Variants in RBM41 observed in about 807,000 individuals in gnomAD.
The protein encoded by RBM41 is RNA-binding protein 41.
In RBM41, 14 loss-of-function variants were observed where a neutral mutation model predicts 30.8. The observed-to-expected ratio is 0.45, with a 90% CI of 0.30 to 0.71. RBM41 has a LOEUF of 0.71. Ranked by LOEUF, RBM41 falls within the 30% of genes least tolerant of loss-of-function variation. RBM41 has a pLI of 0.08. For missense variants in RBM41, 276 were observed against 326.3 expected (o/e 0.85, Z 1.19); for synonymous variants, 120 against 110.1 (o/e 1.09, Z -0.56).
At chrX:107,061,460 ACT>A (rs1448094553), downstream of RBM41, among the ~76,000 whole-genome samples, 1 of 111,617 alleles carries the variant, frequency 9.0e-6, no homozygotes, top group African/African-American at 3.3e-5. Context: ...TCCTTTTCCC[ACT>A]TTTTTATTGG....
chrX:107,067,223 C>A lies in RBM41; in HGVS notation c.*304G>T. On this transcript the variant is annotated 3_prime_UTR_variant, in exon 8 of 8. Transcript: ENST00000685964. ...ATCTCTAGAGACAAATATTGAGGAC[C>A]CCAGAAAAATTATAAAGATTTTTAA... 1.3e-6 allele frequency: 1 copy of A among 796,594 alleles called. No homozygotes were observed. The highest frequency in any genetic ancestry group is 6.6e-5 in the South Asian group (1 of 15,108). 65.6% of individuals were successfully genotyped at this position (796,594 alleles called of 1,213,427 possible).
rs747914230 is a variant in RBM41, at chrX:107,069,360, C to A, written c.1042G>T (p.Asp348Tyr). ...KNLSPRVTER[D>Y]LVSLFARFQE... ...AACCGAGCGAACAATGACACAAGAT[C>A]TCTTTCAGTCACCCGAGGGCTAAGG... Residue 348 changes from aspartate (D) to tyrosine (Y), a missense_variant, in exon 7 of 8, where the codon GAT (aspartate) becomes TAT (tyrosine). Physicochemically the swap from Asp to Tyr is radical, Grantham distance 160 (BLOSUM62 -3). Coordinates refer to ENST00000685964, the MANE Select transcript of RBM41 (RefSeq NM_001324242.2). 8.3e-7 allele frequency: 1 copy of A among 1,206,962 alleles called. No homozygotes were observed. The highest frequency in any genetic ancestry group is 3.0e-5 in the East Asian group (1 of 33,756).
At chrX:107,111,265 A>G (rs943192500) in intron 5 of RBM41, among the ~76,000 whole-genome samples, 6 of 111,799 alleles carry the variant, frequency 5.4e-5, no homozygotes, top group Non-Finnish European at 1.1e-4. Context: ...AAGATATACA[A>G]ATGGCCAAAA....
intron 5 of RBM41, among the ~76,000 whole-genome samples, chrX:107,095,914 G>A (rs993053570): frequency 9.0e-6 from 1 of 111,260 alleles, no homozygotes. Context: ...CTATTCGGGA[G>A]GCTGAGGCAA....
At chrX:107,105,770 C>G (rs774229573) in intron 5 of RBM41, among the ~76,000 whole-genome samples, 17 of 111,439 alleles carry the variant, frequency 1.5e-4, no homozygotes, top group African/African-American at 3.9e-4. Context: ...AATGGGGAAA[C>G]GATTCCCTAT....
chrX:107,103,337 G>C (rs959417235), intron 5 of RBM41, among the ~76,000 whole-genome samples: 4 of 111,015 alleles, frequency 3.6e-5, no homozygotes, highest in African/African-American at 1.3e-4. Flanking sequence ...CCTTTTAAGA[G>C]AGCACTGTGA....
the RBM41 span, among the ~76,000 whole-genome samples, chrX:107,052,576 T>C: frequency 1.8e-5 from 2 of 111,276 alleles, no homozygotes; most frequent in Non-Finnish European, 3.8e-5. Flanking sequence ...AGGGGTGCCT[T>C]TGATGTCATT....
Position 107,062,645 on chromosome X carries a change from A to T in RBM41, c.*4882T>A, listed in dbSNP as rs1280382143. 3.6e-5 allele frequency among the ~76,000 whole-genome samples: 4 copies of T among 111,142 alleles called. No individual in the cohort carries two copies. The highest frequency in any genetic ancestry group is 9.6e-5 in the Admixed American group (1 of 10,444). On this transcript the variant is annotated 3_prime_UTR_variant, in exon 8 of 8. Transcript: ENST00000685964. ...TTTTTAAAAAATTTTTTAGTTAAAA[A>T]AAAAAATGAAAAAAGTAAAAATCAC...
intron 5 of RBM41, among the ~76,000 whole-genome samples, chrX:107,103,847 A>G (rs2147700162): frequency 9.0e-6 from 1 of 111,575 alleles, no homozygotes; most frequent in East Asian, 2.8e-4. Context: ...GTAGGATGGG[A>G]ATTACTGGAA....
chrX:107,112,222 A>G (rs974389376), intron 5 of RBM41, among the ~76,000 whole-genome samples: 1 of 111,745 alleles, frequency 8.9e-6, no homozygotes, highest in Non-Finnish European at 1.9e-5. Flanking sequence ...TAAAACAGCA[A>G]AAGATTTGAA....
downstream of RBM41, among the ~76,000 whole-genome samples, chrX:107,058,144 T>C (rs1935600875): frequency 9.4e-6 from 1 of 106,914 alleles, no homozygotes; most frequent in African/African-American, 3.4e-5. Context: ...AAATACAAAA[T>C]TTGCCAGGCG....
intron 6 of RBM41, among the ~76,000 whole-genome samples, chrX:107,076,133 T>C (rs948027377): frequency 9.1e-6 from 1 of 109,303 alleles, no homozygotes; most frequent in African/African-American, 3.3e-5. Context: ...CTGGCCAACA[T>C]AGTGAAACCC....
downstream of RBM41, among the ~76,000 whole-genome samples, chrX:107,061,314 T>C (rs1935634181): frequency 8.9e-6 from 1 of 112,051 alleles, no homozygotes; most frequent in African/African-American, 3.2e-5. Flanking sequence ...ATATGACAAC[T>C]CTCTTATTAT....
At chrX:107,076,829 A>G (rs1191098822) in intron 6 of RBM41, among the ~76,000 whole-genome samples, 1 of 111,635 alleles carries the variant, frequency 9.0e-6, no homozygotes, top group Non-Finnish European at 1.9e-5. Context: ...AGGAGCAGCA[A>G]AAGCAAAGAA....
the RBM41 span, among the ~76,000 whole-genome samples, chrX:107,052,893 G>A: frequency 4.5e-5 from 5 of 111,825 alleles, no homozygotes; most frequent in African/African-American, 1.6e-4. Flanking sequence ...CTTTCTCAGT[G>A]ACAATTCTGG....
At chrX:107,057,080 G>C (rs1003828360), downstream of RBM41, among the ~76,000 whole-genome samples, 119 of 109,777 alleles carry the variant, frequency 1.1e-3, no homozygotes, top group Non-Finnish European at 7.0e-4. Context: ...CATTACCCAG[G>C]CAGGTCTCAA....
chrX:107,072,049 G>A (rs1390582064), intron 6 of RBM41, among the ~76,000 whole-genome samples: 1 of 111,554 alleles, frequency 9.0e-6, no homozygotes, highest in East Asian at 2.8e-4. Context: ...GGGAAAAGCT[G>A]AAAGCTTTTC....
intron 5 of RBM41, among the ~76,000 whole-genome samples, chrX:107,098,775 C>A (rs1170544298): frequency 9.0e-6 from 1 of 111,349 alleles, no homozygotes; most frequent in Non-Finnish European, 1.9e-5. Flanking sequence ...CCAAGGAGGG[C>A]AGATCACCAG....
At chrX:107,086,503 T>C (rs1922050231) in intron 6 of RBM41, among the ~76,000 whole-genome samples, 1 of 66,322 alleles carries the variant, frequency 1.5e-5, no homozygotes, top group Non-Finnish European at 3.1e-5. Flanking sequence ...CCCAACACTT[T>C]TGATTGAGAT....
Sources: gnomAD v4.1 joint callset for allele counts (sites outside exome capture counted in the v4.1 genomes callset) on GRCh38, gnomAD v4.1.1 for gene constraint, MANE v1.5 for transcripts, NCBI Gene and HGNC (gene_info 2026-07-23, HGNC 2026-07-21) for gene names.